The following RBFOX1 variants were observed in gnomAD, a reference collection of about 807,000 sequenced individuals.
RBFOX1 encodes the protein RNA binding fox-1 homolog 1, also known as RNA binding protein fox-1 homolog 1.
A neutral mutation model predicts 57.7 loss-of-function variants in RBFOX1; 8 were observed. That is an observed-to-expected ratio of 0.14 (90% CI 0.08 to 0.25). RBFOX1 has a LOEUF of 0.25. Ranked by LOEUF, RBFOX1 falls within the 10% of genes least tolerant of loss-of-function variation. The pLI, the probability that RBFOX1 is intolerant of heterozygous loss-of-function variation, is 1.00. For synonymous variants in RBFOX1, 326 were observed against 222.4 expected (o/e 1.47, Z -4.15); for missense variants, 611 against 548.5 (o/e 1.11, Z -1.14).
intron 4 of RBFOX1, among the ~76,000 whole-genome samples, chr16:7,451,544 C>G (rs1006245981): frequency 2.0e-5 from 3 of 152,074 alleles, no homozygotes; most frequent in Non-Finnish European, 2.9e-5. Flanking sequence ...GATCTCAACC[C>G]TACACTCATT....
At chr16:5,907,037 C>A (rs1437957991) in intron 4 of RBFOX1, among the ~76,000 whole-genome samples, 1 of 151,978 alleles carries the variant, frequency 6.6e-6, no homozygotes, top group African/African-American at 2.4e-5. Context: ...GTGCCCGGCC[C>A]ATCTGGGGGA....
rs1009459871 is a variant in RBFOX1, at chr16:7,630,810, G to T, written c.757+127G>T. 49 of 1,474,414 alleles carry T rather than the reference G, an allele frequency of 3.3e-5. No individual in the cohort carries two copies. The East Asian group carries it at 1.2e-3, about 35-fold the overall frequency. The allele number at this position is 1,474,414 out of a possible 1,614,324, so 91.3% of individuals were successfully genotyped here. ...CTCTTGTGGCTCTCTCTGAGGTGAA[G>T]TTAATTTTCATAAGCATGTCTGTCT... On this transcript the variant is annotated intron_variant, in intron 11 of 15. Coordinates refer to ENST00000550418, the MANE Select transcript of RBFOX1 (RefSeq NM_018723.4).
At chr16:7,269,043 C>CAAAAAAAA (rs56297510) in intron 4 of RBFOX1, among the ~76,000 whole-genome samples, 1 of 52,300 alleles carries the variant, frequency 1.9e-5, no homozygotes. Context: ...TCTTCCATCT[C>CAAAAAAAA]AAAAAAAAAA....
rs375714555 is a variant in RBFOX1 at position 7,188,013 on chromosome 16, C to G, written c.27+135915C>G. On this transcript the variant is annotated intron_variant, in intron 4 of 15. Transcript: ENST00000550418. ...CTGACTGTGTGCTAGCCATAGTTAT[C>G]TCTAGATAGTGAGATTATAGGCCAT... Among the ~76,000 whole-genome samples, 115 of 152,296 alleles carry G rather than the reference C, an allele frequency of 7.6e-4. 1 individual carries two copies. In the Middle Eastern group the frequency reaches 0.014, roughly 18 times the overall value.
At chr16:5,755,912 G>A in intron 3 of RBFOX1, among the ~76,000 whole-genome samples, 1 of 152,216 alleles carries the variant, frequency 6.6e-6, no homozygotes, top group East Asian at 1.9e-4. Context: ...ATTCCTTTTG[G>A]AGCTGAGGGC....
chr16:7,081,196 A>T (rs1473822618), intron 4 of RBFOX1, among the ~76,000 whole-genome samples: 1 of 152,090 alleles, frequency 6.6e-6, no homozygotes, highest in African/African-American at 2.4e-5. Flanking sequence ...CACCACACCC[A>T]GCTAATGTTT....
At position 6,819,610 on chromosome 16, in the gene RBFOX1, C is replaced by G. The variant is rs560244164; in HGVS notation, c.-16+164960C>G. On this transcript the variant is annotated intron_variant, in intron 3 of 15. Transcript: ENST00000550418. ...ATCCCAGCTACTCGGGAGGCTGAGG[C>G]AGGAGAATTGCTTGAACCTGGGAAG... Among the ~76,000 whole-genome samples the G allele has an allele frequency of 4.8e-4, 69 of 142,736 alleles. No individual in the cohort carries two copies. The East Asian group carries it at 0.012, about 26-fold the overall frequency. The allele number at this position is 142,736 out of a possible 152,430, so 93.6% of individuals were successfully genotyped here.
Position 5,793,016 on chromosome 16 carries a change from T to C in RBFOX1, c.319-74287T>C, listed in dbSNP as rs1009223737. ...TGGAGGAAGTGGAAGAAAATCTACATAGAAATGAACCCCTGCAGTTCAAAC... is the reference window on the plus strand; with the variant it reads ...TGGAGGAAGTGGAAGAAAATCTACACAGAAATGAACCCCTGCAGTTCAAAC... On this transcript the variant is annotated intron_variant, in intron 3 of 19. Transcript: ENST00000641259. Among the ~76,000 whole-genome samples, 10 of 152,290 alleles carry C rather than the reference T, an allele frequency of 6.6e-5. No individual in the cohort carries two copies. In the South Asian group the frequency reaches 1.7e-3, roughly 25 times the overall value.
intron 3 of RBFOX1, among the ~76,000 whole-genome samples, chr16:5,701,460 G>T (rs953972839): frequency 2.9e-5 from 4 of 137,256 alleles, no homozygotes; most frequent in Non-Finnish European, 6.4e-5. Flanking sequence ...CTTCCTCCAT[G>T]TACAAAGGAT....
intron 3 of RBFOX1, among the ~76,000 whole-genome samples, chr16:5,738,635 G>GAAAAAAAAA (rs61011633): frequency 0.066 from 4,016 of 60,872 alleles, 240 homozygotes; most frequent in Non-Finnish European, 0.078. Context: ...CTCTGTCTCA[G>GAAAAAAAAA]AAAAAAAAAA....
intron 3 of RBFOX1, among the ~76,000 whole-genome samples, chr16:5,855,976 CTT>C (rs1160702604): frequency 0.084 from 6,507 of 77,520 alleles, 142 homozygotes; most frequent in Admixed American, 0.11. Context: ...GTATGTTATT[CTT>C]TTTTTTTTTT....
At chr16:7,704,448 G>A (rs985595875) in intron 14 of RBFOX1, among the ~76,000 whole-genome samples, 7 of 152,172 alleles carry the variant, frequency 4.6e-5, no homozygotes, top group African/African-American at 1.4e-4. Context: ...CATCCTGAAT[G>A]TGTCTGGGAG....
intron 3 of RBFOX1, among the ~76,000 whole-genome samples, chr16:5,624,054 C>T (rs934750358): frequency 6.6e-6 from 1 of 152,172 alleles, no homozygotes; most frequent in African/African-American, 2.4e-5. Context: ...AGATGGTGTC[C>T]ACCCCATTTT....
intron 2 of RBFOX1, among the ~76,000 whole-genome samples, chr16:6,564,376 T>A (rs915227967): frequency 6.6e-6 from 1 of 152,056 alleles, no homozygotes; most frequent in Non-Finnish European, 1.5e-5. Flanking sequence ...AAAAACATGG[T>A]GTGAACCCAG....
At chr16:6,814,685 C>T (rs144493595) in intron 3 of RBFOX1, among the ~76,000 whole-genome samples, 5 of 152,212 alleles carry the variant, frequency 3.3e-5, no homozygotes, top group African/African-American at 1.2e-4. Context: ...GCACAGGGAG[C>T]AGCATGTGGA....
intron 1 of RBFOX1, among the ~76,000 whole-genome samples, chr16:5,279,584 CTCCGCCTCTCGGGT>C (rs1256607915): frequency 6.6e-6 from 1 of 152,166 alleles, no homozygotes; most frequent in African/African-American, 2.4e-5. Context: ...TCACTGCAAC[CTCCGCCTCTCGGGT>C]TCAAGCGATT....
chr16:5,523,214 A>C (rs2044090972), intron 2 of RBFOX1, among the ~76,000 whole-genome samples: 1 of 152,010 alleles, frequency 6.6e-6, no homozygotes, highest in African/African-American at 2.4e-5. Flanking sequence ...TGAACCTGGG[A>C]GGCAGAGATT....
intron 2 of RBFOX1, among the ~76,000 whole-genome samples, chr16:6,391,023 C>A (rs2092574557): frequency 6.6e-6 from 1 of 152,138 alleles, no homozygotes; most frequent in Non-Finnish European, 1.5e-5. Context: ...CTGGCCTCTA[C>A]CCACTAGACG....
chr16:6,969,154 G>C (rs1042044492), intron 3 of RBFOX1, among the ~76,000 whole-genome samples: 11 of 152,058 alleles, frequency 7.2e-5, no homozygotes, highest in African/African-American at 2.7e-4. Flanking sequence ...TTAGCTGTCT[G>C]TCCCCAAAAT....
Sources: allele counts gnomAD v4.1 joint callset (sites outside exome capture counted in the v4.1 genomes callset), GRCh38; gene constraint gnomAD v4.1.1; transcripts MANE v1.5; gene names NCBI Gene and HGNC (gene_info 2026-07-23, HGNC 2026-07-21).